The following WDR3 variants were observed in gnomAD, a reference collection of about 807,000 sequenced individuals.
The protein encoded by WDR3 is WD repeat-containing protein 3.
In WDR3, 81 loss-of-function variants were observed where a neutral mutation model predicts 123.7. That is an observed-to-expected ratio of 0.65 (90% CI 0.55 to 0.79). The LOEUF is 0.79. Among genes scored for constraint, WDR3 ranks in the 30% least tolerant of loss-of-function variants. WDR3 has a pLI of 0.00. For missense variants in WDR3, 1,027 were observed against 1,123.2 expected (o/e 0.91, Z 1.22); for synonymous variants, 390 against 388.8 (o/e 1.00, Z -0.04).
intron 1 of WDR3, 47 bp from the exon 2 acceptor site, chr1:117,933,241 G>A: frequency 2.0e-6 from 3 of 1,537,340 alleles, no homozygotes; most frequent in Non-Finnish European, 2.7e-6. Flanking sequence ...TAACCTAGTA[G>A]AACCAAGGCA....
At chr1:117,938,383 T>C in intron 4 of WDR3, 97 bp from the exon 5 acceptor site, 2 of 906,956 alleles carry the variant, frequency 2.2e-6, no homozygotes, top group Non-Finnish European at 3.4e-6. Context: ...TTGAAGCATA[T>C]GTTCCTTTTA....
intron 12 of WDR3, among the ~76,000 whole-genome samples, chr1:117,947,063 C>T (rs1035454946): frequency 6.6e-6 from 1 of 151,920 alleles, no homozygotes; most frequent in Non-Finnish European, 1.5e-5. Context: ...ACCAGATGGA[C>T]TGGTACCAGC....
intron 12 of WDR3, among the ~76,000 whole-genome samples, chr1:117,946,940 C>CAAA (rs55743091): frequency 1.4e-4 from 11 of 77,262 alleles, no homozygotes; most frequent in East Asian, 3.6e-4. Flanking sequence ...GACTCCATCT[C>CAAA]AAAAAAAAAA....
In WDR3 at chr1:117,952,577, A is replaced by C. The variant is rs1277794959; in HGVS notation, c.2066A>C (p.Tyr689Ser). The change falls in exon 19 of 27, where the codon TAT (tyrosine) becomes TCT (serine). Residue 689 changes from tyrosine to serine, a missense_variant. Coordinates refer to ENST00000349139, the MANE Select transcript of WDR3 (RefSeq NM_006784.3). Reference sequence around the variant, plus strand: ...TTGGCTGTAAGCCCCAGTGGAGACTATGTTGTATCATCGTCCCATGACAAA... The same window carrying C: ...TTGGCTGTAAGCCCCAGTGGAGACTCTGTTGTATCATCGTCCCATGACAAA... ...WCLAVSPSGD[Y>S]VVSSSHDKSL... 6.2e-7 allele frequency: 1 copy of C among 1,613,574 alleles called. No homozygotes were observed. Among genetic ancestry groups the C allele is most frequent in the Admixed American group, 1.7e-5 (1 of 59,998 alleles).
rs1571069769 is a variant in WDR3, at chr1:117,963,559, T to C, written c.*4112T>C. 3.9e-6 allele frequency: 1 copy of C among 258,146 alleles called. No homozygotes were observed. Among genetic ancestry groups the C allele is most frequent in the Admixed American group, 4.5e-5 (1 of 22,190 alleles). The allele number at this position is 258,146 out of a possible 1,614,324, so 16.0% of individuals were successfully genotyped here. A position where few individuals can be genotyped will look rare whatever the true frequency, so the allele number is the denominator to read the frequency against. ...TTTCTATTGTTTAGTAGAGACGGGG[T>C]TTCACCAAGTTAGCCAGGATGGTCT... On this transcript the variant is annotated 3_prime_UTR_variant, in exon 27 of 27. Coordinates refer to ENST00000349139, the MANE Select transcript of WDR3 (RefSeq NM_006784.3).
In WDR3 at chr1:117,955,480, A is replaced by G. The variant is rs954453436; in HGVS notation, c.2453+122A>G. ...TTATCTTATAGGTTTAACTATATCA[A>G]AGTTTTGATGGAAAATAATTTATAA... On this transcript the variant is annotated intron_variant, in intron 24 of 26. Transcript: ENST00000349139. 1.2e-5 allele frequency: 10 copies of G among 861,768 alleles called. 1 individual carries two copies. The Middle Eastern group carries it at 1.9e-3, about 168-fold the overall frequency. 53.4% of individuals were successfully genotyped at this position (861,768 alleles called of 1,614,324 possible).
chr1:117,936,808 G>A lies in WDR3; in HGVS notation c.421G>A (p.Gly141Ser), dbSNP rs1426147391. The A allele has an allele frequency of 6.2e-7, 1 of 1,613,192 alleles. No homozygotes were observed. The highest frequency in any genetic ancestry group is 8.5e-7 in the Non-Finnish European group (1 of 1,179,382). The change falls in exon 4 of 27, where the codon GGT (glycine) becomes AGT (serine). Residue 141 changes from glycine (G) to serine (S), a missense_variant. By Grantham distance (56) the Gly-to-Ser change is moderately conservative. Coordinates refer to ENST00000349139, the MANE Select transcript of WDR3 (RefSeq NM_006784.3). ...TGTATGGGATGTGATCAATGAAAGT[G>A]GTCTGTACCGTCTAAAGGGGCACAA... ...IIVWDVINESGLYRLKGHKDA... is the reference protein window; with the variant it reads ...IIVWDVINESSLYRLKGHKDA...
Position 117,952,949 on chromosome 1 carries a change from A to G in WDR3, c.2155A>G (p.Arg719Gly), listed in dbSNP as rs748926997. 6.2e-7 allele frequency: 1 copy of G among 1,613,104 alleles called. No homozygotes were observed. Among genetic ancestry groups the G allele is most frequent in the Non-Finnish European group, 8.5e-7 (1 of 1,179,354 alleles). Residue 719 changes from arginine to glycine, a missense_variant, in exon 20 of 27, where the codon AGA (arginine) becomes GGA (glycine). Transcript: ENST00000349139. ...ATGTATATCTATCTCATGGCAGGAA[A>G]GAGAAGCAGAATATGAGGAGAGTGT... ...LILEEEREMEREAEYEESVAK... is the reference protein window; with the variant it reads ...LILEEEREMEGEAEYEESVAK...
chr1:117,951,754 C>T (rs774239632), intron 16 of WDR3, among the ~76,000 whole-genome samples: 22 of 152,150 alleles, frequency 1.4e-4, no homozygotes, highest in Middle Eastern at 3.4e-3. Context: ...TGTGACAGTA[C>T]GAAAGTATTT....
At chr1:117,951,174 A>G (rs952400056) in intron 16 of WDR3, among the ~76,000 whole-genome samples, 7 of 152,046 alleles carry the variant, frequency 4.6e-5, no homozygotes, top group African/African-American at 1.2e-4. Context: ...TTAAAATACT[A>G]TAATTGGTAG....
chr1:117,960,258 C>T lies in WDR3; in HGVS notation c.*811C>T, dbSNP rs1008794062. 6.6e-6 allele frequency: 1 copy of T among 152,114 alleles called. No individual in the cohort carries two copies. The highest frequency in any genetic ancestry group is 1.5e-5 in the Non-Finnish European group (1 of 67,996). 9.4% of individuals were successfully genotyped at this position (152,114 alleles called of 1,614,324 possible). On this transcript the variant is annotated 3_prime_UTR_variant, in exon 27 of 27. Transcript: ENST00000349139. ...CGCACAGTCAAAAATCTGCATATAA[C>T]TTTTGATTCCCCAAAGTCTTAAGTA...
At chr1:117,940,124 A>G (rs564387931) in intron 6 of WDR3, among the ~76,000 whole-genome samples, 44 of 152,280 alleles carry the variant, frequency 2.9e-4, no homozygotes, top group African/African-American at 1.1e-3. Flanking sequence ...TGCTTTTGCA[A>G]TTCCTAATGC....
At position 117,933,300 on chromosome 1, in the gene WDR3, G is replaced by A; in HGVS notation, c.-20G>A. On this transcript the variant is annotated 5_prime_UTR_variant, in exon 2 of 27. In the 5' UTR this introduces an upstream ATG that the reference lacks. Transcript: ENST00000349139. ...TTTATATGCACAGATTGCTTCACCT[G>A]TGGTATCAGACATCACAACATGGGG... 2 of 1,612,958 alleles carry A rather than the reference G, an allele frequency of 1.2e-6. No individual in the cohort carries two copies. Among genetic ancestry groups the A allele is most frequent in the Non-Finnish European group, 1.7e-6 (2 of 1,179,084 alleles).
At chr1:117,951,213 A>G (rs1651595739) in intron 16 of WDR3, among the ~76,000 whole-genome samples, 1 of 152,026 alleles carries the variant, frequency 6.6e-6, no homozygotes, top group African/African-American at 2.4e-5. Context: ...AGACTTTAAA[A>G]AGGCATTCCT....
At chr1:117,954,228 A>G in intron 22 of WDR3, 129 bp downstream of exon 22, 1 of 767,352 alleles carries the variant, frequency 1.3e-6, no homozygotes. Context: ...CCAACTCACT[A>G]TATTAGAAGA....
chr1:117,949,895 C>G, intron 14 of WDR3, 59 bp downstream of exon 14: 3 of 1,609,260 alleles, frequency 1.9e-6, no homozygotes, highest in South Asian at 2.2e-5. Context: ...TATGGAATGG[C>G]CTTTTGACGT....
chr1:117,931,561 T>C (rs1321664), intron 1 of WDR3, among the ~76,000 whole-genome samples: 1 of 152,146 alleles, frequency 6.6e-6, no homozygotes, highest in Non-Finnish European at 1.5e-5. Context: ...AGATGTTCAG[T>C]AAATATTGGA....
At chr1:117,945,761 T>C (rs1651359214) in intron 11 of WDR3, among the ~76,000 whole-genome samples, 1 of 152,196 alleles carries the variant, frequency 6.6e-6, no homozygotes, top group Non-Finnish European at 1.5e-5. Context: ...TATGTAATGA[T>C]GTACTAATTT....
At chr1:117,933,223 G>C (rs906030119) in intron 1 of WDR3, 65 bp from the exon 2 acceptor site, 1 of 1,384,748 alleles carries the variant, frequency 7.2e-7, no homozygotes, top group African/African-American at 1.5e-5. Context: ...AAAACAGTTG[G>C]TGTTTACTAA....
Sources: gnomAD v4.1 joint callset for allele counts (sites outside exome capture counted in the v4.1 genomes callset) on GRCh38, gnomAD v4.1.1 for gene constraint, MANE v1.5 for transcripts, NCBI Gene and HGNC (gene_info 2026-07-23, HGNC 2026-07-21) for gene names.